Variants in ACAA2 observed in about 807,000 individuals in gnomAD.
ACAA2 encodes the protein acetyl-CoA acyltransferase 2, also known as 3-ketoacyl-CoA thiolase, mitochondrial.
A neutral mutation model predicts 44.8 loss-of-function variants in ACAA2; 35 were observed. The observed-to-expected ratio is 0.78, with a 90% CI of 0.60 to 1.04. The LOEUF is 1.04. Ranked by LOEUF, ACAA2 falls within the 50% of genes least tolerant of loss-of-function variation. ACAA2 has a pLI of 0.00. For synonymous variants in ACAA2, 142 were observed against 166.5 expected, an observed-to-expected ratio of 0.85 and a Z score of 1.13; for missense variants, 468 against 482.6, an observed-to-expected ratio of 0.97 and a Z score of 0.28.
intron 2 of ACAA2, among the ~76,000 whole-genome samples, chr18:49,800,857 C>A (rs995081585): frequency 7.0e-6 from 1 of 142,958 alleles, no homozygotes; most frequent in African/African-American, 2.6e-5. Flanking sequence ...TGGGCCAAAT[C>A]CCCCTCTGCG....
intron 5 of ACAA2, 97 bp downstream of exon 5, chr18:49,794,183 A>C: frequency 1.2e-6 from 1 of 844,870 alleles, no homozygotes; most frequent in Non-Finnish European, 1.6e-6. Flanking sequence ...TCTTAAAGGT[A>C]TGATTTGTAA....
chr18:49,792,155 T>C lies in ACAA2; in HGVS notation c.750A>G (p.Ala250=), dbSNP rs754618371. 1.2e-5 allele frequency: 19 copies of C among 1,612,780 alleles called. No individual in the cohort carries two copies. Among genetic ancestry groups the C allele is most frequent in the East Asian group, 8.9e-5 (4 of 44,878 alleles). Residue 250 remains alanine, a synonymous_variant, in exon 6 of 10, where the codon GCA becomes GCG. Coordinates refer to ENST00000285093, the MANE Select transcript of ACAA2 (RefSeq NM_006111.3). ...KKDGTVTAGN[A]SGVADGAGAV... ...TAATCTGTGTGGTGATACCAACCGA[T>C]GCATTCCCTGCAGTAACAGTTCCAT... is the stretch of plus-strand genomic sequence containing the variant.
At position 49,792,261 on chromosome 18, in the gene ACAA2, T is replaced by TGTTTTCCTTTCTTTG; in HGVS notation, c.629_643dup (p.Lys214_Gln215insProLysLysGlyLys). ...AGCATGCTCGTCTACCTGCATTGTCTGTTTTCCTTTCTTTGTCTTCACTTC... is the reference window on the plus strand; with the variant it reads ...AGCATGCTCGTCTACCTGCATTGTCTGTTTTCCTTTCTTTGGTTTTCCTTTCTTTGTCTTCACTTC... On this transcript the variant is annotated inframe_insertion, in exon 6 of 10. Coordinates refer to ENST00000285093, the MANE Select transcript of ACAA2 (RefSeq NM_006111.3). The TGTTTTCCTTTCTTTG allele has an allele frequency of 6.2e-7, 1 of 1,614,008 alleles. No homozygotes were observed. Among genetic ancestry groups the TGTTTTCCTTTCTTTG allele is most frequent in the East Asian group, 2.2e-5 (1 of 44,890 alleles).
chr18:49,804,603 T>A (rs1200795220), intron 1 of ACAA2, among the ~76,000 whole-genome samples: 1 of 152,172 alleles, frequency 6.6e-6, no homozygotes, highest in Non-Finnish European at 1.5e-5. Flanking sequence ...TTTGCCAACA[T>A]CCTATTAAAA....
intron 5 of ACAA2, among the ~76,000 whole-genome samples, chr18:49,792,619 T>A (rs906913224): frequency 1.3e-5 from 2 of 152,258 alleles, no homozygotes; most frequent in Non-Finnish European, 1.5e-5. Flanking sequence ...TAATTTTTTT[T>A]ATATTTTTAG....
intron 1 of ACAA2, 48 bp from the exon 2 acceptor site, chr18:49,802,901 C>A: frequency 6.3e-7 from 1 of 1,582,140 alleles, no homozygotes; most frequent in Non-Finnish European, 8.7e-7. Context: ...TTAGTAAATA[C>A]CTCTAAATGC....
chr18:49,813,297 A>C (rs1326379579), intron 1 of ACAA2, among the ~76,000 whole-genome samples, 172 bp downstream of exon 1: 2 of 152,252 alleles, frequency 1.3e-5, no homozygotes, highest in African/African-American at 4.8e-5. Flanking sequence ...TTTTCTCCTT[A>C]ACCCAAACAA....
rs2143943508 is a variant in ACAA2, at chr18:49,785,186, C to A, written c.1109+11G>T. The A allele has an allele frequency of 6.2e-7, 1 of 1,607,048 alleles. No homozygotes were observed. Among genetic ancestry groups the A allele is most frequent in the East Asian group, 2.2e-5 (1 of 44,802 alleles). On this transcript the variant is annotated intron_variant, in intron 9 of 9. Transcript: ENST00000285093. ...CAGCAAATCTGAAATGCAGCTATTT[C>A]TAGCAAATACCTTAATTCGTGAACC...
chr18:49,809,638 T>G (rs1476442627), intron 1 of ACAA2, among the ~76,000 whole-genome samples: 2 of 152,224 alleles, frequency 1.3e-5, no homozygotes, highest in East Asian at 3.8e-4. Flanking sequence ...GGCCATATAC[T>G]GTATGATTCC....
intron 9 of ACAA2, 151 bp from the exon 10 acceptor site, chr18:49,784,082 G>A: frequency 7.6e-6 from 5 of 659,288 alleles, no homozygotes; most frequent in South Asian, 4.0e-5. Context: ...AATTACAACA[G>A]GCAACAGACT....
intron 8 of ACAA2, chr18:49,786,013 A>G (rs2023324728): frequency 1.3e-5 from 2 of 152,164 alleles, no homozygotes; most frequent in South Asian, 4.1e-4. Context: ...CAAACTGGCA[A>G]TTACCTTACT....
intron 7 of ACAA2, among the ~76,000 whole-genome samples, chr18:49,788,261 G>C (rs2023357178): frequency 6.6e-6 from 1 of 152,168 alleles, no homozygotes; most frequent in South Asian, 2.1e-4. Flanking sequence ...TGCCAAAAAT[G>C]TCTACAAAGA....
intron 9 of ACAA2, 146 bp from the exon 10 acceptor site, chr18:49,784,077 C>T: frequency 1.5e-6 from 1 of 675,826 alleles, no homozygotes; most frequent in Non-Finnish European, 2.6e-6. Flanking sequence ...GGTATAATTA[C>T]AACAGGCAAC....
chr18:49,806,286 G>A (rs529372325), intron 1 of ACAA2, among the ~76,000 whole-genome samples: 2 of 152,334 alleles, frequency 1.3e-5, no homozygotes, highest in South Asian at 4.1e-4. Flanking sequence ...ATCTGGGAAA[G>A]AGGAGCACCA....
rs976518434 is a variant in ACAA2 at position 49,797,563 on chromosome 18, T to G, written c.215A>C (p.His72Pro). ...TGGGATTCCCACACGCAAACCAACA[T>G]GCCTTGCCAAATATATAGCATCTGA... ...SSSDAIYLAR[H>P]VGLRVGIPKE... The change falls in exon 3 of 10, where the codon CAT (histidine) becomes CCT (proline). Residue 72 changes from histidine to proline, a missense_variant. By Grantham distance (77) the His-to-Pro change is moderately conservative (BLOSUM62 -2). Coordinates refer to ENST00000285093, the MANE Select transcript of ACAA2 (RefSeq NM_006111.3). 2 of 1,611,796 alleles carry G rather than the reference T, an allele frequency of 1.2e-6. No individual in the cohort carries two copies. The highest frequency in any genetic ancestry group is 1.3e-5 in the African/African-American group (1 of 74,822).
At chr18:49,791,366 T>A in intron 7 of ACAA2, 104 bp downstream of exon 7, 1 of 1,050,604 alleles carries the variant, frequency 9.5e-7, no homozygotes, top group Admixed American at 2.2e-5. Flanking sequence ...TCTTCTTTTC[T>A]CTACAGGTGA....
intron 1 of ACAA2, chr18:49,803,090 GGAA>G (rs2023573787): frequency 7.5e-6 from 4 of 533,156 alleles, no homozygotes; most frequent in Non-Finnish European, 1.3e-5. Context: ...ATGCTGTTAA[GGAA>G]GAAGACCACC....
At chr18:49,807,811 A>G (rs1004662692) in intron 1 of ACAA2, among the ~76,000 whole-genome samples, 2 of 152,176 alleles carry the variant, frequency 1.3e-5, no homozygotes, top group Non-Finnish European at 2.9e-5. Context: ...AGCCTGGGTG[A>G]CAGAGCGGGA....
At chr18:49,785,508 A>C in intron 8 of ACAA2, 157 bp from the exon 9 acceptor site, 1 of 713,542 alleles carries the variant, frequency 1.4e-6, no homozygotes, top group Non-Finnish European at 2.3e-6. Context: ...GCATAAAGCT[A>C]TCAGGTTTAA....
Sources: allele counts gnomAD v4.1 joint callset (sites outside exome capture counted in the v4.1 genomes callset), GRCh38; gene constraint gnomAD v4.1.1; transcripts MANE v1.5; gene names NCBI Gene and HGNC (gene_info 2026-07-23, HGNC 2026-07-21).